PIK3CA: variants seen among roughly 807,000 people sequenced by gnomAD.
PIK3CA encodes the protein phosphatidylinositol 4,5-bisphosphate 3-kinase catalytic subunit alpha isoform.
In PIK3CA, 27 loss-of-function variants were observed where a neutral mutation model predicts 138.2. The observed-to-expected ratio is 0.20, with a 90% CI of 0.14 to 0.27. The LOEUF is 0.27. PIK3CA is among the 10% of genes least tolerant of loss of function. The pLI, the probability that PIK3CA is intolerant of heterozygous loss-of-function variation, is 1.00. For missense variants in PIK3CA, 544 were observed against 1,277.4 expected (o/e 0.43, Z 8.75); for synonymous variants, 358 against 413.2 (o/e 0.87, Z 1.62).
At position 179,224,200 on chromosome 3, in the gene PIK3CA, G is replaced by A. The variant is rs1560147154; in HGVS notation, c.2294+13G>A. The A allele has an allele frequency of 8.0e-7, 1 of 1,254,444 alleles. No individual in the cohort carries two copies. Among genetic ancestry groups the A allele is most frequent in the Non-Finnish European group, 1.1e-6 (1 of 874,988 alleles). The allele number at this position is 1,254,444 out of a possible 1,614,324, so 77.7% of individuals were successfully genotyped here. ...TAGGAAACCTCAGGTACTTTCTTGG[G>A]GGTTTCATTGATATATTTAAATAAA... is the stretch of plus-strand genomic sequence containing the variant. On this transcript the variant is annotated intron_variant, in intron 15 of 20. Transcript: ENST00000263967.
chr3:179,166,598 A>G (rs1276611017), intron 1 of PIK3CA, among the ~76,000 whole-genome samples: 1 of 152,240 alleles, frequency 6.6e-6, no homozygotes, highest in Non-Finnish European at 1.5e-5. Flanking sequence ...CTCTTGCAGA[A>G]AGCATGTTAT....
Position 179,188,514 on chromosome 3 carries a change from T to C in PIK3CA, c.-76-10236T>C, listed in dbSNP as rs1023581674. Among the ~76,000 whole-genome samples, 20 of 152,232 alleles carry C rather than the reference T, an allele frequency of 1.3e-4. 1 individual carries two copies. The highest frequency in any genetic ancestry group is 4.6e-4 in the African/African-American group (19 of 41,456). The stretch of plus-strand genomic sequence containing the variant: ...TTTTAGTTCTGTATTTTGAAATCAT[T>C]ATTTACCAATACAGTCTTCTTGATG... On this transcript the variant is annotated intron_variant, in intron 1 of 20. Transcript: ENST00000263967.
chr3:179,199,624 CA>C, intron 2 of PIK3CA, 65 bp from the exon 3 acceptor site: 99 of 1,189,164 alleles, frequency 8.3e-5, no homozygotes, highest in South Asian at 1.3e-4. Flanking sequence ...TCCCTGTTTG[CA>C]AAAAAAACAT....
intron 3 of PIK3CA, 73 bp downstream of exon 3, chr3:179,199,972 G>GT (rs1932989819): frequency 2.3e-6 from 2 of 873,242 alleles, no homozygotes; most frequent in East Asian, 2.5e-5. Context: ...TCTTTGTATA[G>GT]TCTTTTTTTT....
In PIK3CA at chr3:179,166,067, T is replaced by TCTGTACAA. The variant is rs1723411720; in HGVS notation, c.-77+17464_-77+17465insCTGTACAA. Reference sequence around the variant, plus strand: ...GTCAGGGATGCCATATTTTAGATCTTTTATTTAATCTTAGAGTAAAAGCCT... The same window carrying TCTGTACAA: ...GTCAGGGATGCCATATTTTAGATCTTCTGTACAATTATTTAATCTTAGAGTAAAAGCCT... On this transcript the variant is annotated intron_variant, in intron 1 of 20. Coordinates refer to ENST00000263967, the MANE Select transcript of PIK3CA (RefSeq NM_006218.4). Among the ~76,000 whole-genome samples the TCTGTACAA allele has an allele frequency of 5.0e-4, 76 of 152,270 alleles. No individual in the cohort carries two copies. In the East Asian group the frequency reaches 0.014, roughly 28 times the overall value.
At position 179,234,432 on chromosome 3, in the gene PIK3CA, C is replaced by T. The variant is rs202178025; in HGVS notation, c.*68C>T. 1.1e-5 allele frequency: 15 copies of T among 1,359,992 alleles called. No homozygotes were observed. The highest frequency in any genetic ancestry group is 8.1e-6 in the Non-Finnish European group (8 of 993,740). The allele number at this position is 1,359,992 out of a possible 1,614,324, so 84.2% of individuals were successfully genotyped here. A position where few individuals can be genotyped will look rare whatever the true frequency, so the allele number is the denominator to read the frequency against. On this transcript the variant is annotated 3_prime_UTR_variant, in exon 21 of 21. Transcript: ENST00000263967. The surrounding 1 kb of genome is among the most constrained non-coding windows in gnomAD (Gnocchi z 5.1). Reference sequence around the variant, plus strand: ...TGCACTGTTAATAACTCTCAGCAGGCAAAGACCGATTGCATAGGAATTGCA... The same window carrying T: ...TGCACTGTTAATAACTCTCAGCAGGTAAAGACCGATTGCATAGGAATTGCA...
At chr3:179,195,269 A>C (rs1051863053) in intron 1 of PIK3CA, among the ~76,000 whole-genome samples, 8 of 151,874 alleles carry the variant, frequency 5.3e-5, no homozygotes, top group Admixed American at 1.3e-4. Flanking sequence ...TGAAAAAAAA[A>C]AACAACAACA....
chr3:179,187,273 C>A (rs1724006273), intron 1 of PIK3CA, among the ~76,000 whole-genome samples: 1 of 151,988 alleles, frequency 6.6e-6, no homozygotes, highest in South Asian at 2.1e-4. Flanking sequence ...TGCGGTGGCT[C>A]ACACCTGTAA....
At chr3:179,155,311 CAT>C (rs1723106937) in intron 1 of PIK3CA, among the ~76,000 whole-genome samples, 1 of 152,070 alleles carries the variant, frequency 6.6e-6, no homozygotes, top group African/African-American at 2.4e-5. Context: ...GACATAGAAT[CAT>C]ATTTAGAAAT....
rs750160395 is a variant in PIK3CA at position 179,219,554 on chromosome 3, G to A, written c.1747-17G>A. The A allele has an allele frequency of 3.3e-6, 4 of 1,227,072 alleles. No individual in the cohort carries two copies. The South Asian group carries it at 3.8e-5, about 12-fold the overall frequency. 76.0% of individuals were successfully genotyped at this position (1,227,072 alleles called of 1,614,324 possible). ...CTTTCCCCTTTAAATATGATTTATTGTCTTTCTCATACACAGATGTATTGC... is the reference window on the plus strand; with the variant it reads ...CTTTCCCCTTTAAATATGATTTATTATCTTTCTCATACACAGATGTATTGC... On this transcript the variant is annotated splice_polypyrimidine_tract_variant and intron_variant, in intron 11 of 20. Coordinates refer to ENST00000263967, the MANE Select transcript of PIK3CA (RefSeq NM_006218.4). This position sits in a 1 kb window ranked among gnomAD's most constrained non-coding sequence, Gnocchi z 4.2.
intron 1 of PIK3CA, among the ~76,000 whole-genome samples, chr3:179,185,533 C>G (rs370147967): frequency 2.6e-5 from 4 of 152,312 alleles, no homozygotes; most frequent in South Asian, 4.1e-4. Flanking sequence ...AGTTCTGACA[C>G]TATCTGCCTA....
chr3:179,171,696 T>C (rs1576919078), intron 1 of PIK3CA, among the ~76,000 whole-genome samples: 1 of 151,976 alleles, frequency 6.6e-6, no homozygotes, highest in Non-Finnish European at 1.5e-5. Flanking sequence ...CCAAAAGAAG[T>C]AGAAAATCTA....
At chr3:179,195,902 C>A (rs1195392944) in intron 1 of PIK3CA, among the ~76,000 whole-genome samples, 3 of 152,146 alleles carry the variant, frequency 2.0e-5, no homozygotes, top group Non-Finnish European at 2.9e-5. Flanking sequence ...CAGAATAAGG[C>A]CTGGCATGAG....
chr3:179,182,578 C>T (rs921359086), intron 1 of PIK3CA, among the ~76,000 whole-genome samples: 8 of 151,974 alleles, frequency 5.3e-5, no homozygotes, highest in African/African-American at 9.7e-5. Flanking sequence ...GAAGCTGAGG[C>T]AGGAGAATTG....
intron 1 of PIK3CA, among the ~76,000 whole-genome samples, chr3:179,176,591 T>A (rs1028727491): frequency 9.2e-5 from 14 of 152,204 alleles, no homozygotes; most frequent in African/African-American, 3.1e-4. Context: ...TTTGCAGCTG[T>A]TCCTTCACGA....
At chr3:179,165,183 AT>A (rs1265220569) in intron 1 of PIK3CA, among the ~76,000 whole-genome samples, 13 of 152,094 alleles carry the variant, frequency 8.5e-5, no homozygotes, top group Admixed American at 8.5e-4. Context: ...CTGGGGGGAG[AT>A]TAACACTGCT....
chr3:179,226,830 A>G (rs76790485), intron 17 of PIK3CA, among the ~76,000 whole-genome samples: 6,307 of 152,232 alleles, frequency 0.041, 141 homozygotes, highest in Non-Finnish European at 0.047. Flanking sequence ...GTGACCTGCT[A>G]AGGCACAAAA....
chr3:179,238,348 A>C lies in PIK3CA; in HGVS notation c.*3984A>C, dbSNP rs1363481114. ...TTTAATTATTACATTAAAAATTGTA[A>C]ATATATCTATGTGCCATGGCCTGGG... On this transcript the variant is annotated 3_prime_UTR_variant, in exon 21 of 21. Coordinates refer to ENST00000263967, the MANE Select transcript of PIK3CA (RefSeq NM_006218.4). 4.6e-6 allele frequency: 1 copy of C among 215,234 alleles called. No homozygotes were observed. Among genetic ancestry groups the C allele is most frequent in the Non-Finnish European group, 9.4e-6 (1 of 106,768 alleles). 13.3% of individuals were successfully genotyped at this position (215,234 alleles called of 1,614,324 possible). A position where few individuals can be genotyped will look rare whatever the true frequency, so the allele number is the denominator to read the frequency against.
Position 179,219,133 on chromosome 3 carries a change from G to A in PIK3CA, c.1665-63G>A, listed in dbSNP as rs930410559. ...TAAGAAGATTCATATGGAGAAGTTA[G>A]ACATGTCAACCTTTTGAACAGCATG... On this transcript the variant is annotated intron_variant, in intron 10 of 20. Coordinates refer to ENST00000263967, the MANE Select transcript of PIK3CA (RefSeq NM_006218.4). The surrounding 1 kb of genome is among the most constrained non-coding windows in gnomAD (Gnocchi z 4.2). 2 of 948,354 alleles carry A rather than the reference G, an allele frequency of 2.1e-6. No individual in the cohort carries two copies. Among genetic ancestry groups the A allele is most frequent in the Non-Finnish European group, 3.4e-6 (2 of 594,730 alleles). 58.7% of individuals were successfully genotyped at this position (948,354 alleles called of 1,614,324 possible). A position where few individuals can be genotyped will look rare whatever the true frequency, so the allele number is the denominator to read the frequency against.
Sources: gnomAD v4.1 joint callset for allele counts (sites outside exome capture counted in the v4.1 genomes callset) on GRCh38, gnomAD v4.1.1 for gene constraint, Gnocchi (gnomAD v3.1) non-coding constraint, MANE v1.5 for transcripts, NCBI Gene and HGNC (gene_info 2026-07-23, HGNC 2026-07-21) for gene names.